Variants in GALNT14 observed in about 807,000 individuals in gnomAD.
GALNT14 encodes polypeptide N-acetylgalactosaminyltransferase 14.
GALNT14 carries 60 observed loss-of-function variants against 77.5 expected under a neutral mutation model. That is an observed-to-expected ratio of 0.77 (90% CI 0.63 to 0.96). The LOEUF (loss-of-function observed/expected upper bound fraction) is 0.96. Among genes scored for constraint, GALNT14 ranks in the 40% least tolerant of loss-of-function variants. GALNT14 has a pLI of 0.00. For missense variants in GALNT14, 710 were observed against 731.0 expected, an observed-to-expected ratio of 0.97 and a Z score of 0.33; for synonymous variants, 280 against 281.7, an observed-to-expected ratio of 0.99 and a Z score of 0.06.
At chr2:31,072,543 T>G (rs571328819) in intron 1 of GALNT14, among the ~76,000 whole-genome samples, 1 of 152,214 alleles carries the variant, frequency 6.6e-6, no homozygotes, top group Admixed American at 6.5e-5. Flanking sequence ...CTGCCTTCCT[T>G]TGCCTCTTCC....
chr2:30,930,981 G>A (rs1235486601), intron 10 of GALNT14, among the ~76,000 whole-genome samples: 1 of 152,214 alleles, frequency 6.6e-6, no homozygotes, highest in South Asian at 2.1e-4. Context: ...TTCCAGGCCG[G>A]CCCCCCTCCA....
At chr2:31,053,285 G>A (rs1013260454) in intron 1 of GALNT14, among the ~76,000 whole-genome samples, 11 of 152,084 alleles carry the variant, frequency 7.2e-5, no homozygotes, top group Middle Eastern at 3.2e-3. Flanking sequence ...CCTGACTCCG[G>A]GGGGCAGTCA....
intron 1 of GALNT14, among the ~76,000 whole-genome samples, chr2:31,030,692 C>T (rs965687811): frequency 2.6e-5 from 4 of 152,186 alleles, no homozygotes; most frequent in Admixed American, 1.3e-4. Context: ...TCTCTCCTAC[C>T]TTCCAAATCT....
intron 1 of GALNT14, among the ~76,000 whole-genome samples, chr2:31,053,317 G>A (rs1290884632): frequency 6.6e-6 from 1 of 152,096 alleles, no homozygotes; most frequent in African/African-American, 2.4e-5. Flanking sequence ...TGGTAGATCT[G>A]AGACTAAAGA....
chr2:30,961,089 G>T (rs938187240), intron 3 of GALNT14, among the ~76,000 whole-genome samples: 2 of 152,244 alleles, frequency 1.3e-5, no homozygotes, highest in African/African-American at 4.8e-5. Flanking sequence ...AGGCTCAGAG[G>T]CCAGGTGGGC....
intron 1 of GALNT14, among the ~76,000 whole-genome samples, chr2:31,120,164 A>T: frequency 6.6e-6 from 1 of 151,540 alleles, no homozygotes; most frequent in Non-Finnish European, 1.5e-5. Context: ...TCAAAAAAAA[A>T]AAAAAAAAAA....
At chr2:30,958,935 CAAAT>C (rs959882130) in intron 3 of GALNT14, among the ~76,000 whole-genome samples, 8 of 152,192 alleles carry the variant, frequency 5.3e-5, no homozygotes, top group Non-Finnish European at 1.0e-4. Flanking sequence ...CTCGCCAATG[CAAAT>C]AAATAAACTG....
downstream of GALNT14, among the ~76,000 whole-genome samples, chr2:30,907,387 G>A (rs889835329): frequency 1.2e-4 from 19 of 152,242 alleles, no homozygotes; most frequent in African/African-American, 3.1e-4. Context: ...TATCACCACC[G>A]ATCCCACAGA....
intron 1 of GALNT14, among the ~76,000 whole-genome samples, chr2:31,044,317 GATAGAGCTTTCTTTCCCTGA>G (rs1232701333): frequency 6.6e-6 from 1 of 152,172 alleles, no homozygotes; most frequent in Admixed American, 6.5e-5. Context: ...AAACACACTG[GATAGAGCTTTCTTTCCCTGA>G]AAACTGAGGT....
chr2:31,002,332 A>C (rs1442252495), intron 1 of GALNT14, among the ~76,000 whole-genome samples: 1 of 151,998 alleles, frequency 6.6e-6, no homozygotes, highest in Admixed American at 6.6e-5. Context: ...TGGGAGGCTG[A>C]GGCACAAGAA....
the GALNT14 span, among the ~76,000 whole-genome samples, chr2:30,895,512 C>T: frequency 1.3e-5 from 2 of 152,152 alleles, no homozygotes; most frequent in Non-Finnish European, 2.9e-5. Context: ...CTTCTCCAAC[C>T]TCTAAACAAT....
chr2:31,052,344 C>A (rs147829136), intron 1 of GALNT14, among the ~76,000 whole-genome samples: 19 of 152,264 alleles, frequency 1.2e-4, no homozygotes, highest in Non-Finnish European at 2.5e-4. Context: ...CATATGTGAC[C>A]CTTACAGCTG....
At chr2:30,944,607 A>C (rs1326656926) in intron 8 of GALNT14, among the ~76,000 whole-genome samples, 9 of 152,154 alleles carry the variant, frequency 5.9e-5, no homozygotes, top group Admixed American at 2.6e-4. Context: ...CAGGAGGCAC[A>C]AGGACATCAT....
chr2:31,093,436 C>T (rs978484106), intron 1 of GALNT14, among the ~76,000 whole-genome samples: 2 of 152,194 alleles, frequency 1.3e-5, no homozygotes, highest in African/African-American at 4.8e-5. Context: ...CAGATCTTGA[C>T]AACCTGGCCA....
At chr2:31,003,213 C>T (rs1670472903) in intron 1 of GALNT14, among the ~76,000 whole-genome samples, 2 of 152,068 alleles carry the variant, frequency 1.3e-5, no homozygotes, top group South Asian at 2.1e-4. Context: ...ATTGCTCCTT[C>T]AATGTTGTAG....
intron 1 of GALNT14, among the ~76,000 whole-genome samples, chr2:31,034,062 G>A (rs907926232): frequency 2.6e-5 from 4 of 152,222 alleles, no homozygotes; most frequent in African/African-American, 4.8e-5. Flanking sequence ...ACAAGGCTCA[G>A]AGAAATTGCC....
At chr2:31,096,780 G>A (rs114950868) in intron 1 of GALNT14, among the ~76,000 whole-genome samples, 328 of 152,162 alleles carry the variant, frequency 2.2e-3, no homozygotes, top group African/African-American at 7.6e-3. Context: ...ATGTATATAT[G>A]AGGAAGATGG....
chr2:30,934,881 T>C (rs1024666533), intron 9 of GALNT14, among the ~76,000 whole-genome samples: 1 of 152,202 alleles, frequency 6.6e-6, no homozygotes, highest in Non-Finnish European at 1.5e-5. Flanking sequence ...CTTTCCATGA[T>C]TGGCTGAGGT....
At chr2:31,119,596 G>C (rs1678284856) in intron 1 of GALNT14, among the ~76,000 whole-genome samples, 2 of 152,168 alleles carry the variant, frequency 1.3e-5, no homozygotes, top group Admixed American at 1.3e-4. Flanking sequence ...CTCGTACTTT[G>C]CTAACGAAAA....
Sources: gnomAD v4.1 joint callset for allele counts (sites outside exome capture counted in the v4.1 genomes callset) on GRCh38, gnomAD v4.1.1 for gene constraint, MANE v1.5 for transcripts, NCBI Gene and HGNC (gene_info 2026-07-23, HGNC 2026-07-21) for gene names.